FAM228B: variants seen among roughly 807,000 people sequenced by gnomAD.
The protein encoded by FAM228B is family with sequence similarity 228 member B.
Under a neutral mutation model 42.6 loss-of-function variants are expected in FAM228B, and 38 were observed. The observed-to-expected ratio is 0.89, with a 90% CI of 0.69 to 1.17. The LOEUF (loss-of-function observed/expected upper bound fraction) is 1.17, where lower values mean the gene tolerates loss of function less well. Ranked by LOEUF, FAM228B falls within the 50% of genes most tolerant of loss-of-function variation. The pLI, the probability that FAM228B is intolerant of heterozygous loss-of-function variation, is 0.00. For synonymous variants in FAM228B, 109 were observed against 122.3 expected (o/e 0.89, Z 0.72); for missense variants, 344 against 367.3 (o/e 0.94, Z 0.52).
chr2:24,109,152 C>CA (rs145615269), intron 3 of FAM228B, among the ~76,000 whole-genome samples: 18,198 of 65,878 alleles, frequency 0.28, 1,557 homozygotes, highest in Middle Eastern at 0.38. Context: ...ACAAAGTTGA[C>CA]AAAAAAAAAG....
At position 24,084,412 on chromosome 2, in the gene FAM228B, A is replaced by G. The variant is rs1428821641; in HGVS notation, c.-210+3457A>G. ...AGGACAGGGCAGGGCAGGACAGGACAGGGCAGGGGCCGCTGTATCCTCGCG... is the reference window on the plus strand; with the variant it reads ...AGGACAGGGCAGGGCAGGACAGGACGGGGCAGGGGCCGCTGTATCCTCGCG... On this transcript the variant is annotated intron_variant, in intron 2 of 10. Transcript: ENST00000613899. This position sits in a 1 kb window ranked among gnomAD's most constrained non-coding sequence, Gnocchi z 8.4. The G allele has an allele frequency of 1.4e-6, 2 of 1,437,814 alleles. No homozygotes were observed. Among genetic ancestry groups the G allele is most frequent in the African/African-American group, 1.4e-5 (1 of 69,814 alleles). The allele number at this position is 1,437,814 out of a possible 1,614,324, so 89.1% of individuals were successfully genotyped here.
intron 2 of FAM228B, among the ~76,000 whole-genome samples, chr2:24,125,021 TG>T (rs1384926416): frequency 1.3e-5 from 2 of 152,132 alleles, no homozygotes; most frequent in Non-Finnish European, 2.9e-5. Context: ...GTTTTTAGAT[TG>T]TAGTTTCTTT....
upstream of FAM228B, among the ~76,000 whole-genome samples, chr2:24,120,277 A>AACAAC (rs1553329185): frequency 4.0e-5 from 6 of 151,382 alleles, no homozygotes; most frequent in Non-Finnish European, 8.8e-5. Flanking sequence ...TCAAAAAAAA[A>AACAAC]AACAACAACA....
intron 2 of FAM228B, among the ~76,000 whole-genome samples, chr2:24,132,936 C>T (rs1455793806): frequency 1.3e-5 from 2 of 152,130 alleles, no homozygotes; most frequent in East Asian, 3.8e-4. Flanking sequence ...ATATACAGTT[C>T]AAGAGTTTGC....
At chr2:24,168,516 C>G (rs1667483956) in intron 10 of FAM228B, among the ~76,000 whole-genome samples, 1 of 152,112 alleles carries the variant, frequency 6.6e-6, no homozygotes, top group Non-Finnish European at 1.5e-5. Flanking sequence ...TGATTTTCAT[C>G]AGAGAGGTTA....
intron 9 of FAM228B, among the ~76,000 whole-genome samples, chr2:24,164,634 C>T (rs1667360982): frequency 1.3e-5 from 2 of 151,988 alleles, no homozygotes; most frequent in South Asian, 4.2e-4. Context: ...GCCACGCTGT[C>T]CAGGATTTCC....
At chr2:24,121,063 TG>T (rs774373516), upstream of FAM228B, 14 of 1,456,458 alleles carry the variant, frequency 9.6e-6, no homozygotes, top group South Asian at 1.3e-5. Context: ...AAGACATTAA[TG>T]GATTTAATCT....
intron 7 of FAM228B, among the ~76,000 whole-genome samples, chr2:24,159,235 A>AT (rs1236625749): frequency 2.0e-5 from 3 of 152,150 alleles, no homozygotes; most frequent in Admixed American, 6.5e-5. Flanking sequence ...ATTTGAAGAT[A>AT]TTTTTTTGGG....
At chr2:24,108,294 AAAAC>A (rs572519405) in intron 3 of FAM228B, among the ~76,000 whole-genome samples, 8 of 152,172 alleles carry the variant, frequency 5.3e-5, no homozygotes, top group Non-Finnish European at 5.9e-5. Flanking sequence ...CCCACCAACC[AAAAC>A]AAACAAACAA....
In FAM228B at chr2:24,084,351, CAGGGCAGGACAGGACAGGGCAG is replaced by C; in HGVS notation, c.-210+3397_-210+3418del. The C allele has an allele frequency of 1.4e-6, 2 of 1,395,960 alleles. No individual in the cohort carries two copies. Among genetic ancestry groups the C allele is most frequent in the Non-Finnish European group, 1.9e-6 (2 of 1,025,856 alleles). 86.5% of individuals were successfully genotyped at this position (1,395,960 alleles called of 1,614,324 possible). A position where few individuals can be genotyped will look rare whatever the true frequency, so the allele number is the denominator to read the frequency against. The stretch of plus-strand genomic sequence containing the variant: ...TATTGTCTGAGGACACAGGGCAGGG[CAGGGCAGGACAGGACAGGGCAG>C]GGCAGGGCAGGACAGGACAGGGCAG... On this transcript the variant is annotated intron_variant, in intron 2 of 10. Coordinates refer to the FAM228B transcript ENST00000613899. The surrounding 1 kb of genome is among the most constrained non-coding windows in gnomAD (Gnocchi z 8.4).
At chr2:24,124,206 A>G in intron 1 of FAM228B, 124 bp from the exon 2 acceptor site, 2 of 562,624 alleles carry the variant, frequency 3.6e-6, no homozygotes, top group Non-Finnish European at 6.3e-6. Context: ...GCCTCTTGTT[A>G]GGGAAACTGG....
At chr2:24,083,400 T>C (rs1355382424) in intron 2 of FAM228B, among the ~76,000 whole-genome samples, 1 of 152,164 alleles carries the variant, frequency 6.6e-6, no homozygotes, top group Non-Finnish European at 1.5e-5. Flanking sequence ...CTGAACCCCT[T>C]GCTTTACAGA....
chr2:24,159,329 C>T (rs1667235763), intron 7 of FAM228B, among the ~76,000 whole-genome samples: 1 of 152,174 alleles, frequency 6.6e-6, no homozygotes, highest in Non-Finnish European at 1.5e-5. Flanking sequence ...TTAAAGCATT[C>T]ACAATCGAAT....
Position 24,146,953 on chromosome 2 carries a change from T to C in FAM228B, c.553T>C (p.Phe185Leu). ...ETGKIYSIKE[F>L]KEVEKVQLHS... The stretch of plus-strand genomic sequence containing the variant: ...AGGCAAAATATATTCAATAAAGGAA[T>C]TCAAAGAAGTTGAGAAGGTTCAGCT... The change falls in exon 7 of 11, where the codon TTC (phenylalanine) becomes CTC (leucine). Residue 185 changes from phenylalanine to leucine, a missense_variant. Physicochemically the swap from Phe to Leu is conservative, Grantham distance 22. Coordinates refer to ENST00000615575, the MANE Select transcript of FAM228B (RefSeq NM_001145710.2). The C allele has an allele frequency of 6.4e-7, 1 of 1,551,384 alleles. No homozygotes were observed. Among genetic ancestry groups the C allele is most frequent in the Non-Finnish European group, 8.7e-7 (1 of 1,146,796 alleles).
chr2:24,156,205 C>A (rs764898649), intron 7 of FAM228B, among the ~76,000 whole-genome samples: 2 of 152,208 alleles, frequency 1.3e-5, no homozygotes, highest in Non-Finnish European at 2.9e-5. Context: ...TCGTGCTTGT[C>A]ATCTTTTGCA....
intron 2 of FAM228B, chr2:24,081,006 CACA>C: frequency 6.2e-7 from 1 of 1,614,116 alleles, no homozygotes; most frequent in Admixed American, 1.7e-5. Context: ...CATGGATTAG[CACA>C]TAGTCTCCAG....
intron 2 of FAM228B, among the ~76,000 whole-genome samples, chr2:24,081,922 C>T (rs541348629): frequency 3.0e-4 from 45 of 152,084 alleles, no homozygotes; most frequent in South Asian, 6.2e-4. Context: ...GTCTCGATCT[C>T]CTGACCTCAT....
chr2:24,158,128 C>T (rs545578705), intron 7 of FAM228B, among the ~76,000 whole-genome samples: 18 of 148,490 alleles, frequency 1.2e-4, no homozygotes, highest in African/African-American at 3.5e-4. Flanking sequence ...TCCAACAATA[C>T]CAGGTCTTCC....
At chr2:24,162,707 G>A (rs1314693941) in intron 8 of FAM228B, among the ~76,000 whole-genome samples, 4 of 152,168 alleles carry the variant, frequency 2.6e-5, no homozygotes, top group Non-Finnish European at 4.4e-5. Flanking sequence ...TAAACAAGAT[G>A]TGGTATATCC....
Sources: allele counts gnomAD v4.1 joint callset (sites outside exome capture counted in the v4.1 genomes callset), GRCh38; gene constraint gnomAD v4.1.1; non-coding constraint Gnocchi (gnomAD v3.1); transcripts MANE v1.5; gene names NCBI Gene and HGNC (gene_info 2026-07-23, HGNC 2026-07-21).